WDTC1: variants seen among roughly 807,000 people sequenced by gnomAD.
WDTC1 encodes WD and tetratricopeptide repeats protein 1.
A neutral mutation model predicts 76.0 loss-of-function variants in WDTC1; 12 were observed. That is an observed-to-expected ratio of 0.16 (90% CI 0.10 to 0.26). The LOEUF is 0.26. Among genes scored for constraint, WDTC1 ranks in the 10% least tolerant of loss-of-function variants. The pLI is 1.00. For missense variants in WDTC1, 511 were observed against 908.8 expected (o/e 0.56, Z 5.63); for synonymous variants, 326 against 350.8 (o/e 0.93, Z 0.79).
chr1:27,272,291 T>A (rs1265485681), intron 3 of WDTC1, among the ~76,000 whole-genome samples: 1 of 152,052 alleles, frequency 6.6e-6, no homozygotes, highest in East Asian at 1.9e-4. Context: ...GGTTTTGCTG[T>A]GTTGCCCAGG....
chr1:27,237,498 G>T, intron 1 of WDTC1, among the ~76,000 whole-genome samples: 1 of 152,040 alleles, frequency 6.6e-6, no homozygotes, highest in East Asian at 1.9e-4. Flanking sequence ...AAACCCTTAG[G>T]TTGTACTTTC....
intron 1 of WDTC1, among the ~76,000 whole-genome samples, chr1:27,239,069 A>AT (rs1427983335): frequency 1.3e-4 from 18 of 138,928 alleles, no homozygotes; most frequent in Non-Finnish European, 2.8e-4. Flanking sequence ...CGCCTGGCTA[A>AT]TTTTTTAATT....
In WDTC1 at chr1:27,306,157, C is replaced by T. The variant is rs1363746455; in HGVS notation, c.1837-29C>T. ...CTGGTGCCTCTCCCTCCCTGAGCCC[C>T]ACGTGTGTCACCCCTTTCTCCACCA... On this transcript the variant is annotated intron_variant, in intron 15 of 15. Transcript: ENST00000319394. This position sits in a 1 kb window ranked among gnomAD's most constrained non-coding sequence, Gnocchi z 5.0. 1 of 1,613,660 alleles carries T rather than the reference C, an allele frequency of 6.2e-7. No individual in the cohort carries two copies. Among genetic ancestry groups the T allele is most frequent in the East Asian group, 2.2e-5 (1 of 44,890 alleles).
intron 3 of WDTC1, among the ~76,000 whole-genome samples, chr1:27,273,840 T>TGTGC (rs959130836): frequency 5.3e-5 from 8 of 151,734 alleles, no homozygotes; most frequent in African/African-American, 1.7e-4. Context: ...TGTGTGTGTG[T>TGTGC]GCGTGTGTAG....
At chr1:27,296,526 A>G (rs759458149) in intron 10 of WDTC1, 125 bp downstream of exon 10, 117 of 986,324 alleles carry the variant, frequency 1.2e-4, no homozygotes, top group Non-Finnish European at 1.7e-4. Context: ...GATCTCTGAA[A>G]TAACCCCACC....
intron 4 of WDTC1, among the ~76,000 whole-genome samples, chr1:27,282,805 A>C (rs751495257): frequency 6.6e-6 from 1 of 151,654 alleles, no homozygotes; most frequent in Non-Finnish European, 1.5e-5. Flanking sequence ...CGCCCGGCCC[A>C]AAACCCTGTT....
chr1:27,278,586 C>T (rs542343424), intron 3 of WDTC1, among the ~76,000 whole-genome samples: 2 of 152,324 alleles, frequency 1.3e-5, no homozygotes, highest in East Asian at 3.9e-4. Context: ...CCTCCCTGAG[C>T]CCATCTTGCT....
At chr1:27,278,750 C>A (rs993902861) in intron 3 of WDTC1, among the ~76,000 whole-genome samples, 6 of 152,220 alleles carry the variant, frequency 3.9e-5, no homozygotes, top group African/African-American at 1.4e-4. Flanking sequence ...TACTTCTCAG[C>A]ATTCAGATTT....
At chr1:27,267,673 C>G (rs1485457723) in intron 3 of WDTC1, among the ~76,000 whole-genome samples, 1 of 151,968 alleles carries the variant, frequency 6.6e-6, no homozygotes, top group Non-Finnish European at 1.5e-5. Context: ...CAAATGTTAG[C>G]CTAACATATT....
In WDTC1 at chr1:27,296,415, T is replaced by C. The variant is rs1184559679; in HGVS notation, c.949+14T>C. ...ACTCCTCGGGGGGTAAGTTCTCCCT[T>C]AGGGTATCTCTACTGCGGCGGTGTA... On this transcript the variant is annotated intron_variant, in intron 10 of 15. Transcript: ENST00000319394. 1.2e-6 allele frequency: 2 copies of C among 1,613,694 alleles called. No homozygotes were observed. Among genetic ancestry groups the C allele is most frequent in the South Asian group, 2.2e-5 (2 of 91,088 alleles).
At chr1:27,263,527 G>A (rs570326317) in intron 3 of WDTC1, among the ~76,000 whole-genome samples, 186 of 152,166 alleles carry the variant, frequency 1.2e-3, no homozygotes, top group African/African-American at 4.0e-3. Flanking sequence ...TCTGCCTCCC[G>A]GGTTCACACC....
Position 27,305,201 on chromosome 1 carries a change from T to TG in WDTC1, c.1836+9dup. ...TGGAACCCCCGACCAGAGGTGAGGG[T>TG]GCAGAGCCAAGCAGAGAGGAGGGCA... On this transcript the variant is annotated intron_variant, in intron 15 of 15. Transcript: ENST00000319394. This position sits in a 1 kb window ranked among gnomAD's most constrained non-coding sequence, Gnocchi z 4.6. 1 of 1,612,276 alleles carries TG rather than the reference T, an allele frequency of 6.2e-7. No homozygotes were observed.
chr1:27,306,479 AC>A lies in WDTC1; in HGVS notation c.*99del, dbSNP rs985283837. 25 of 1,379,170 alleles carry A rather than the reference AC, an allele frequency of 1.8e-5. No individual in the cohort carries two copies. Among genetic ancestry groups the A allele is most frequent in the African/African-American group, 3.0e-5 (2 of 67,520 alleles). The allele number at this position is 1,379,170 out of a possible 1,614,324, so 85.4% of individuals were successfully genotyped here. The stretch of plus-strand genomic sequence containing the variant: ...TCTGTTTTGGTTTGTCTTCCCCACC[AC>A]CCTTTTTTTTCATTTCCCCTGTTTT... On this transcript the variant is annotated 3_prime_UTR_variant, in exon 16 of 16. Coordinates refer to ENST00000319394, the MANE Select transcript of WDTC1 (RefSeq NM_001276252.2). This position sits in a 1 kb window ranked among gnomAD's most constrained non-coding sequence, Gnocchi z 5.0.
In WDTC1 at chr1:27,264,864, G is replaced by A. The variant is rs2012610535; in HGVS notation, c.132+1629G>A. 3.3e-5 allele frequency among the ~76,000 whole-genome samples: 5 copies of A among 151,654 alleles called. No individual in the cohort carries two copies. The South Asian group carries it at 1.0e-3, about 32-fold the overall frequency. On this transcript the variant is annotated intron_variant, in intron 3 of 15. Transcript: ENST00000319394. ...GTTGCCCAGGCTGGAATGCAGTGGT[G>A]CCATCATGGCTCACTGCAGCCTCAA...
intron 8 of WDTC1, 120 bp downstream of exon 8, chr1:27,294,236 C>A (rs1210363729): frequency 2.8e-6 from 3 of 1,088,142 alleles, no homozygotes; most frequent in Non-Finnish European, 3.9e-6. Context: ...TCAGACAGAC[C>A]TGAGTTTTAA....
intron 1 of WDTC1, among the ~76,000 whole-genome samples, chr1:27,256,925 G>A (rs2012300877): frequency 6.6e-6 from 1 of 152,086 alleles, no homozygotes; most frequent in Admixed American, 6.6e-5. Flanking sequence ...GCAGTAGCAC[G>A]ATCTCGTCTC....
chr1:27,248,968 A>C (rs1211569480), intron 1 of WDTC1, among the ~76,000 whole-genome samples: 2 of 152,072 alleles, frequency 1.3e-5, no homozygotes, highest in Non-Finnish European at 2.9e-5. Context: ...TAAATTTTTT[A>C]AAAAGAAACC....
intron 3 of WDTC1, among the ~76,000 whole-genome samples, chr1:27,278,688 C>T (rs749667798): frequency 4.8e-4 from 73 of 152,210 alleles, no homozygotes; most frequent in Non-Finnish European, 7.2e-4. Flanking sequence ...TTTTTATACT[C>T]ATTATTCCAT....
intron 11 of WDTC1, 110 bp downstream of exon 11, chr1:27,297,266 C>T: frequency 1.0e-6 from 1 of 1,000,080 alleles, no homozygotes; most frequent in South Asian, 1.6e-5. Context: ...ACTCATGCAT[C>T]CCAGAGAGTG....
Sources: allele counts gnomAD v4.1 joint callset (sites outside exome capture counted in the v4.1 genomes callset), GRCh38; gene constraint gnomAD v4.1.1; non-coding constraint Gnocchi (gnomAD v3.1); transcripts MANE v1.5; gene names NCBI Gene and HGNC (gene_info 2026-07-23, HGNC 2026-07-21).